Variants in LHFPL3 observed in about 807,000 individuals in gnomAD.
LHFPL3 encodes LHFPL tetraspan subfamily member 3 protein.
Under a neutral mutation model 19.3 loss-of-function variants are expected in LHFPL3, and 5 were observed. The observed-to-expected ratio is 0.26, with a 90% CI of 0.14 to 0.54. The LOEUF (loss-of-function observed/expected upper bound fraction) is 0.54. Among genes scored for constraint, LHFPL3 ranks in the 20% least tolerant of loss-of-function variants. LHFPL3 has a pLI of 0.94. For synonymous variants in LHFPL3, 133 were observed against 126.2 expected, an observed-to-expected ratio of 1.05 and a Z score of -0.36; for missense variants, 249 against 307.4, an observed-to-expected ratio of 0.81 and a Z score of 1.42.
intron 2 of LHFPL3, among the ~76,000 whole-genome samples, chr7:104,799,162 G>T (rs1053875957): frequency 1.3e-5 from 2 of 152,060 alleles, no homozygotes; most frequent in Non-Finnish European, 1.5e-5. Context: ...TTTTATTTTT[G>T]CCCTGTTCTC....
intron 1 of LHFPL3, among the ~76,000 whole-genome samples, chr7:104,644,480 T>C (rs1049706890): frequency 2.6e-5 from 4 of 152,200 alleles, no homozygotes; most frequent in African/African-American, 9.6e-5. Flanking sequence ...CAAGGATGCA[T>C]TGGCAGCATC....
intron 1 of LHFPL3, among the ~76,000 whole-genome samples, chr7:104,657,775 A>C (rs1344800331): frequency 6.6e-6 from 1 of 151,980 alleles, no homozygotes; most frequent in Non-Finnish European, 1.5e-5. Flanking sequence ...CCCCTTCCCA[A>C]CTCAGAAGTC....
At chr7:104,819,210 G>C (rs1405319027) in intron 2 of LHFPL3, among the ~76,000 whole-genome samples, 1 of 152,200 alleles carries the variant, frequency 6.6e-6, no homozygotes, top group South Asian at 2.1e-4. Context: ...GAATGTGCTT[G>C]CATTTCTAAT....
intron 1 of LHFPL3, among the ~76,000 whole-genome samples, chr7:104,429,091 A>G (rs1462639231): frequency 6.6e-6 from 1 of 152,094 alleles, no homozygotes. Context: ...GGTCATAGGT[A>G]TTTTTCATTT....
chr7:104,797,855 G>T (rs1423035483), intron 2 of LHFPL3, among the ~76,000 whole-genome samples: 1 of 152,178 alleles, frequency 6.6e-6, no homozygotes, highest in East Asian at 1.9e-4. Flanking sequence ...GGTAGAGGTT[G>T]CAGTAGGCTG....
intron 2 of LHFPL3, among the ~76,000 whole-genome samples, chr7:104,832,621 C>CTTT (rs1790975501): frequency 7.8e-5 from 2 of 25,614 alleles, no homozygotes; most frequent in African/African-American, 2.6e-4. Context: ...TTCTTTTTTC[C>CTTT]TTCTTTTTTT....
chr7:104,554,675 A>ATAGATAGATAGTTAGT (rs1227302985), intron 1 of LHFPL3, among the ~76,000 whole-genome samples: 1 of 151,172 alleles, frequency 6.6e-6, no homozygotes, highest in South Asian at 2.1e-4. Context: ...AGATAGATAG[A>ATAGATAGATAGTTAGT]TAGATAGATA....
chr7:104,428,137 C>G (rs554556797), intron 1 of LHFPL3, among the ~76,000 whole-genome samples: 9 of 152,108 alleles, frequency 5.9e-5, no homozygotes, highest in Admixed American at 3.9e-4. Flanking sequence ...AATTATGCAG[C>G]CTTTGCCTAA....
intron 1 of LHFPL3, chr7:104,669,026 C>T: frequency 6.2e-7 from 1 of 1,612,018 alleles, no homozygotes; most frequent in South Asian, 1.1e-5. Context: ...CAGACTGGGA[C>T]CTCCACCACA....
intron 2 of LHFPL3, among the ~76,000 whole-genome samples, chr7:104,741,104 G>A (rs191922430): frequency 7.4e-4 from 113 of 152,202 alleles, no homozygotes; most frequent in African/African-American, 2.7e-3. Flanking sequence ...CAAGGGAGGG[G>A]TGTACACAGC....
At chr7:104,840,406 A>AAGCCTC (rs766849026) in intron 2 of LHFPL3, among the ~76,000 whole-genome samples, 1 of 145,668 alleles carries the variant, frequency 6.9e-6, no homozygotes, top group Non-Finnish European at 1.5e-5. Flanking sequence ...CCTCAGGTTC[A>AAGCCTC]AGCCTCAGCC....
intron 1 of LHFPL3, among the ~76,000 whole-genome samples, chr7:104,673,110 G>T (rs148254375): frequency 2.6e-3 from 399 of 152,278 alleles, no homozygotes; most frequent in African/African-American, 8.8e-3. Flanking sequence ...CCCCTGCAGG[G>T]TTACAGCCTC....
chr7:104,591,150 G>C lies in LHFPL3; in HGVS notation c.446-145525G>C, dbSNP rs183929074. ...TATTATTATGTGTGAATTTGATCCT[G>C]TCATTGTGACGTTAGCTGGTTATTT... On this transcript the variant is annotated intron_variant, in intron 1 of 2. Coordinates refer to ENST00000424859, the MANE Select transcript of LHFPL3 (RefSeq NM_199000.3). Among the ~76,000 whole-genome samples, 23 of 152,260 alleles carry C rather than the reference G, an allele frequency of 1.5e-4. No individual in the cohort carries two copies. The East Asian group carries it at 4.4e-3, about 29-fold the overall frequency.
At chr7:104,514,239 A>G (rs1005942489) in intron 1 of LHFPL3, among the ~76,000 whole-genome samples, 4 of 151,668 alleles carry the variant, frequency 2.6e-5, no homozygotes, top group African/African-American at 9.7e-5. Context: ...TTCTCTCCCT[A>G]TTTTGCCTAA....
chr7:104,833,994 A>T (rs1371999110), intron 2 of LHFPL3, among the ~76,000 whole-genome samples: 3 of 148,266 alleles, frequency 2.0e-5, no homozygotes, highest in Non-Finnish European at 4.5e-5. Context: ...TGAGTCTCAA[A>T]ACTGAAGAAT....
intron 1 of LHFPL3, among the ~76,000 whole-genome samples, chr7:104,632,691 T>C (rs1211878940): frequency 6.6e-6 from 1 of 152,242 alleles, no homozygotes; most frequent in African/African-American, 2.4e-5. Flanking sequence ...TTCTTGCTCC[T>C]GTCACTCAGG....
chr7:104,477,332 A>G (rs1793041873), intron 1 of LHFPL3, among the ~76,000 whole-genome samples: 3 of 151,910 alleles, frequency 2.0e-5, no homozygotes. Flanking sequence ...TCAGTTATTC[A>G]CTCATTCAAT....
intron 1 of LHFPL3, among the ~76,000 whole-genome samples, chr7:104,732,232 G>T (rs1370520925): frequency 5.3e-5 from 8 of 152,158 alleles, no homozygotes; most frequent in Admixed American, 4.6e-4. Context: ...GATGGTGCTG[G>T]CCTCATAAAA....
At chr7:104,350,685 A>T (rs1421001336) in intron 1 of LHFPL3, among the ~76,000 whole-genome samples, 2 of 152,216 alleles carry the variant, frequency 1.3e-5, no homozygotes, top group African/African-American at 2.4e-5. Flanking sequence ...GTAATTAAAT[A>T]TATAATCTAT....
Sources: gnomAD v4.1 joint callset for allele counts (sites outside exome capture counted in the v4.1 genomes callset) on GRCh38, gnomAD v4.1.1 for gene constraint, MANE v1.5 for transcripts, NCBI Gene and HGNC (gene_info 2026-07-23, HGNC 2026-07-21) for gene names.